CIT: variants seen among roughly 807,000 people sequenced by gnomAD.
CIT encodes the protein citron rho-interacting serine/threonine kinase.
CIT carries 79 observed loss-of-function variants against 272.7 expected under a neutral mutation model. The ratio of observed to expected loss-of-function variants is 0.29; its 90% CI spans 0.24 to 0.35. The LOEUF is 0.35. CIT is among the 10% of genes least tolerant of loss of function. The pLI, the probability that CIT is intolerant of heterozygous loss-of-function variation, is 1.00. For missense variants in CIT, 1,909 were observed against 2,618.3 expected, an observed-to-expected ratio of 0.73 and a Z score of 5.91; for synonymous variants, 948 against 995.6, an observed-to-expected ratio of 0.95 and a Z score of 0.90.
intron 7 of CIT, among the ~76,000 whole-genome samples, chr12:119,828,478 G>A (rs547652700): frequency 1.6e-3 from 245 of 152,104 alleles, no homozygotes; most frequent in African/African-American, 5.1e-3. Flanking sequence ...AGCTAATCTC[G>A]GTGAGATATT....
intron 20 of CIT, among the ~76,000 whole-genome samples, chr12:119,760,504 G>A (rs1259007635): frequency 6.6e-6 from 1 of 151,986 alleles, no homozygotes; most frequent in African/African-American, 2.4e-5. Context: ...GCATGCACCT[G>A]TAGTCTCAGT....
chr12:119,773,739 T>C (rs1162284125), intron 16 of CIT, among the ~76,000 whole-genome samples: 1 of 152,178 alleles, frequency 6.6e-6, no homozygotes, highest in Non-Finnish European at 1.5e-5. Context: ...GTGTTTGCTG[T>C]TTTTAAATGT....
At chr12:119,752,355 T>C in intron 22 of CIT, 108 bp from the exon 23 acceptor site, 1 of 1,013,878 alleles carries the variant, frequency 9.9e-7, no homozygotes, top group Non-Finnish European at 1.4e-6. Context: ...AACCTGGTCT[T>C]GGAACCACCT....
chr12:119,690,360 G>A lies in CIT; in HGVS notation c.5977C>T (p.Arg1993Ter), dbSNP rs1304066853. 1.9e-6 allele frequency: 3 copies of A among 1,597,886 alleles called. No homozygotes were observed. Among genetic ancestry groups the A allele is most frequent in the East Asian group, 2.2e-5 (1 of 44,686 alleles). Residue 1993 changes from arginine to a stop codon, truncating the protein, a stop_gained, in exon 47 of 48, where the codon CGA becomes TGA. Transcript: ENST00000392521. LOFTEE classifies it high-confidence loss of function. The surrounding 1 kb of genome is among the most constrained non-coding windows in gnomAD (Gnocchi z 6.0). Reference sequence around the variant, plus strand: ...TAGCGGTGGGGTGTGCTTGGCTCTCGCGGGTGGCTGGGGCCTTCGGGCGGC... The same window carrying A: ...TAGCGGTGGGGTGTGCTTGGCTCTCACGGGTGGCTGGGGCCTTCGGGCGGC... The part of the protein sequence containing the change: ...PAPPEGPSHP[R>*]EPSTPHRYRE...
At chr12:119,757,349 G>A (rs749632854) in intron 22 of CIT, 22 bp downstream of exon 22, 14 of 1,612,696 alleles carry the variant, frequency 8.7e-6, no homozygotes, top group Non-Finnish European at 1.1e-5. Context: ...AATCCTCCCA[G>A]GAGATGACTC....
chr12:119,731,813 A>AATATATATACATATATAT (rs1369952457), intron 26 of CIT, among the ~76,000 whole-genome samples: 8 of 139,130 alleles, frequency 5.8e-5, no homozygotes, highest in African/African-American at 1.7e-4. Context: ...TTCTCTCCTA[A>AATATATATACATATATAT]ATATATATAT....
At chr12:119,701,293 G>C (rs1432397220) in intron 43 of CIT, among the ~76,000 whole-genome samples, 1 of 148,918 alleles carries the variant, frequency 6.7e-6, no homozygotes, top group Non-Finnish European at 1.5e-5. Context: ...CAAAGAAAAG[G>C]ACAGATAGAA....
chr12:119,753,084 GGTGA>G (rs1173239301), intron 22 of CIT, among the ~76,000 whole-genome samples: 1 of 152,122 alleles, frequency 6.6e-6, no homozygotes, highest in Non-Finnish European at 1.5e-5. Flanking sequence ...AAGGTATGGG[GGTGA>G]GGGAGACCAC....
intron 3 of CIT, among the ~76,000 whole-genome samples, chr12:119,868,464 T>C (rs1415913611): frequency 6.6e-6 from 1 of 152,174 alleles, no homozygotes; most frequent in Non-Finnish European, 1.5e-5. Context: ...CGGGATATTA[T>C]TGAGGTCTCT....
chr12:119,726,011 C>CGTGTGTGTGTGT (rs3999591), intron 28 of CIT, among the ~76,000 whole-genome samples: 2,299 of 149,994 alleles, frequency 0.015, 57 homozygotes, highest in African/African-American at 0.053. Context: ...ACCAAATATA[C>CGTGTGTGTGTGT]GTGTGTGTGT....
At chr12:119,737,412 A>T (rs923019668) in intron 24 of CIT, among the ~76,000 whole-genome samples, 1 of 150,572 alleles carries the variant, frequency 6.6e-6, no homozygotes, top group Non-Finnish European at 1.5e-5. Context: ...TTGCCAAAAT[A>T]ATTTACTTGC....
intron 17 of CIT, among the ~76,000 whole-genome samples, chr12:119,771,835 A>G (rs1442309827): frequency 6.6e-6 from 1 of 152,212 alleles, no homozygotes; most frequent in African/African-American, 2.4e-5. Context: ...GGAGGGACTC[A>G]CTGAATAGCG....
At chr12:119,744,565 A>G (rs907538807) in intron 23 of CIT, among the ~76,000 whole-genome samples, 3 of 151,760 alleles carry the variant, frequency 2.0e-5, no homozygotes, top group Admixed American at 6.6e-5. Flanking sequence ...AAATACAAAA[A>G]ATTAGCTGGG....
chr12:119,862,832 A>AAAAAAAAAAAAAAAAAAAAAG (rs1950390006), intron 3 of CIT, among the ~76,000 whole-genome samples: 2 of 135,560 alleles, frequency 1.5e-5, no homozygotes, highest in African/African-American at 3.1e-5. Context: ...AAAAAAAAAA[A>AAAAAAAAAAAAAAAAAAAAAG]AAAAAAAAGA....
At chr12:119,817,395 C>T (rs1016760884) in intron 9 of CIT, among the ~76,000 whole-genome samples, 7 of 152,122 alleles carry the variant, frequency 4.6e-5, no homozygotes, top group Admixed American at 1.3e-4. Context: ...ACCTGTAGTC[C>T]CAGCTACTCG....
chr12:119,699,983 GCTAT>G (rs1293664964), intron 44 of CIT: 1 of 450,556 alleles, frequency 2.2e-6, no homozygotes, highest in Non-Finnish European at 4.5e-6. Context: ...ATCAGGGGGT[GCTAT>G]CTAACAAGTG....
At chr12:119,790,640 C>T (rs992871365) in intron 10 of CIT, among the ~76,000 whole-genome samples, 2 of 152,096 alleles carry the variant, frequency 1.3e-5, no homozygotes, top group Non-Finnish European at 2.9e-5. Flanking sequence ...GCCCTGTGAT[C>T]CCCATGAGAG....
chr12:119,709,021 G>A (rs559793367), intron 39 of CIT, among the ~76,000 whole-genome samples: 7 of 147,632 alleles, frequency 4.7e-5, no homozygotes, highest in East Asian at 1.9e-4. Flanking sequence ...CTGAGGAACC[G>A]TTCAGATTAA....
At chr12:119,780,437 T>G (rs147544254) in intron 13 of CIT, among the ~76,000 whole-genome samples, 3 of 152,024 alleles carry the variant, frequency 2.0e-5, no homozygotes, top group African/African-American at 7.2e-5. Flanking sequence ...ACAAACATGG[T>G]GAAACCCCAT....
Sources: allele counts gnomAD v4.1 joint callset (sites outside exome capture counted in the v4.1 genomes callset), GRCh38; gene constraint gnomAD v4.1.1; non-coding constraint Gnocchi (gnomAD v3.1); transcripts MANE v1.5; gene names NCBI Gene and HGNC (gene_info 2026-07-23, HGNC 2026-07-21).